Variants in C2orf92 observed in about 807,000 individuals in gnomAD.
C2orf92 encodes the protein chromosome 2 open reading frame 92.
At position 97,702,757 on chromosome 2, in the gene C2orf92, C is replaced by T. The variant is rs1676536398; in HGVS notation, c.754C>T (p.Leu252Phe). The change falls in exon 8 of 8, where the codon CTT (leucine) becomes TTT (phenylalanine). Residue 252 changes from leucine to phenylalanine, a missense_variant. Transcript: ENST00000627399. ...HNSEEKNFTKLAKKQKQLKSS... is the reference protein window; with the variant it reads ...HNSEEKNFTKFAKKQKQLKSS... Reference sequence around the variant, plus strand: ...TTCTGAAGAAAAAAATTTCACAAAACTTGCAAAAAAACAGAAACAGTTGAA... The same window carrying T: ...TTCTGAAGAAAAAAATTTCACAAAATTTGCAAAAAAACAGAAACAGTTGAA... 1 of 398,950 alleles carries T rather than the reference C, an allele frequency of 2.5e-6. No homozygotes were observed. The highest frequency in any genetic ancestry group is 4.4e-6 in the Non-Finnish European group (1 of 226,042). 24.7% of individuals were successfully genotyped at this position (398,950 alleles called of 1,614,324 possible).
chr2:97,700,805 C>T (rs945727318), intron 6 of C2orf92, among the ~76,000 whole-genome samples: 3 of 151,880 alleles, frequency 2.0e-5, no homozygotes, highest in Non-Finnish European at 2.9e-5. Context: ...CTCACGCTCA[C>T]GGCAACCTCC....
intron 6 of C2orf92, 90 bp from the exon 7 acceptor site, chr2:97,701,064 A>G (rs1409461576): frequency 2.5e-6 from 1 of 395,478 alleles, no homozygotes; most frequent in Admixed American, 4.4e-5. Context: ...TTATGAATGG[A>G]ATGAACAGGT....
intron 6 of C2orf92, 143 bp downstream of exon 6, chr2:97,699,279 T>A (rs763729867): frequency 1.1e-4 from 45 of 391,634 alleles, no homozygotes; most frequent in Non-Finnish European, 1.8e-4. Flanking sequence ...GAATACAACC[T>A]GCAGTTAAAA....
At chr2:97,692,045 T>G (rs1676158424) in intron 5 of C2orf92, among the ~76,000 whole-genome samples, 1 of 152,234 alleles carries the variant, frequency 6.6e-6, no homozygotes, top group African/African-American at 2.4e-5. Context: ...TTGTCTAACT[T>G]CATCAAAAGG....
upstream of C2orf92, among the ~76,000 whole-genome samples, chr2:97,665,030 ACAATATC>A (rs1416524794): frequency 6.6e-6 from 1 of 152,192 alleles, no homozygotes; most frequent in Non-Finnish European, 1.5e-5. Context: ...AATCCTTGCA[ACAATATC>A]AGGTAGTTGT....
intron 7 of C2orf92, among the ~76,000 whole-genome samples, chr2:97,701,573 G>A (rs1676499011): frequency 6.6e-6 from 1 of 152,220 alleles, no homozygotes; most frequent in South Asian, 2.1e-4. Flanking sequence ...GGTTAGGCCA[G>A]ACCTGTCCCC....
intron 1 of C2orf92, among the ~76,000 whole-genome samples, chr2:97,673,177 T>C (rs1675471174): frequency 6.6e-6 from 1 of 152,200 alleles, no homozygotes. Flanking sequence ...TTACACAAGC[T>C]TCAAAACTCT....
chr2:97,690,376 T>C (rs1468106270), intron 5 of C2orf92, 49 bp downstream of exon 5: 2 of 397,194 alleles, frequency 5.0e-6, no homozygotes, highest in Non-Finnish European at 8.9e-6. Flanking sequence ...AAGTCATTGT[T>C]CTTTTTCCTC....
chr2:97,701,131 C>A, intron 6 of C2orf92, 23 bp from the exon 7 acceptor site: 1 of 398,840 alleles, frequency 2.5e-6, no homozygotes, highest in Non-Finnish European at 4.4e-6. Context: ...TCTGTTCACT[C>A]TGCGCTGTGT....
upstream of C2orf92, among the ~76,000 whole-genome samples, chr2:97,666,712 G>T (rs1379307360): frequency 6.6e-6 from 1 of 151,570 alleles, no homozygotes; most frequent in African/African-American, 2.4e-5. Flanking sequence ...GCATGATGTT[G>T]TGCGCCTGTA....
chr2:97,684,160 C>G (rs887977758), intron 3 of C2orf92, among the ~76,000 whole-genome samples: 1 of 151,990 alleles, frequency 6.6e-6, no homozygotes, highest in African/African-American at 2.4e-5. Context: ...CTCAGCCTCC[C>G]GAGTAGCTGG....
At chr2:97,683,712 T>C (rs1298649853) in intron 3 of C2orf92, among the ~76,000 whole-genome samples, 1 of 151,876 alleles carries the variant, frequency 6.6e-6, no homozygotes, top group Non-Finnish European at 1.5e-5. Flanking sequence ...AAGAAAACAA[T>C]TGGAGGAATT....
At chr2:97,702,605 C>T (rs946477077) in intron 7 of C2orf92, 64 bp from the exon 8 acceptor site, 2 of 398,380 alleles carry the variant, frequency 5.0e-6, no homozygotes, top group South Asian at 1.3e-4. Flanking sequence ...CACTGCCCAG[C>T]GAGTAGACAG....
In C2orf92 at chr2:97,690,323, T is replaced by A. The variant is rs1676087171; in HGVS notation, c.399T>A (p.Asp133Glu). ...TTGGCAGTGTGGACAAAATTCCTGA[T>A]AAAGGTAAATGCAAATGCATAAAAT... ...YFLGSVDKIP[D>E]KDHLSEEKNF... Residue 133 changes from aspartate to glutamate, a missense_variant, in exon 5 of 8, where the codon GAT becomes GAA. Physicochemically the swap from Asp to Glu is conservative, Grantham distance 45. Transcript: ENST00000627399. 1 of 398,780 alleles carries A rather than the reference T, an allele frequency of 2.5e-6. No individual in the cohort carries two copies. Among genetic ancestry groups the A allele is most frequent in the Admixed American group, 4.4e-5 (1 of 22,702 alleles). The allele number at this position is 398,780 out of a possible 1,614,324, so 24.7% of individuals were successfully genotyped here.
chr2:97,702,606 G>A (rs978167263), intron 7 of C2orf92, 63 bp from the exon 8 acceptor site: 6 of 398,394 alleles, frequency 1.5e-5, no homozygotes, highest in South Asian at 1.3e-4. Flanking sequence ...ACTGCCCAGC[G>A]AGTAGACAGC....
At chr2:97,669,966 A>G (rs1675358124) in intron 1 of C2orf92, 132 bp downstream of exon 1, 1 of 392,996 alleles carries the variant, frequency 2.5e-6, no homozygotes, top group South Asian at 1.4e-4. Context: ...ACCTCCCCAA[A>G]TCTGCCATTC....
At chr2:97,697,043 C>T (rs1029613935) in intron 5 of C2orf92, among the ~76,000 whole-genome samples, 3 of 152,212 alleles carry the variant, frequency 2.0e-5, no homozygotes, top group Admixed American at 6.5e-5. Flanking sequence ...TGGTTCTGCA[C>T]TCCTTTAAGA....
upstream of C2orf92, chr2:97,663,946 CG>C: frequency 5.2e-6 from 1 of 193,424 alleles, no homozygotes; most frequent in Non-Finnish European, 1.1e-5. Flanking sequence ...ACCGGATGGG[CG>C]GGCGGGCGGG....
upstream of C2orf92, chr2:97,665,692 A>ACTCTCTCT (rs67429887): frequency 4.7e-5 from 4 of 85,540 alleles, no homozygotes; most frequent in South Asian, 8.0e-4. Context: ...TCAAAGCATG[A>ACTCTCTCT]CTCTCTCTCT....
Sources: allele counts gnomAD v4.1 joint callset (sites outside exome capture counted in the v4.1 genomes callset), GRCh38; gene constraint gnomAD v4.1.1; transcripts MANE v1.5; gene names NCBI Gene and HGNC (gene_info 2026-07-23, HGNC 2026-07-21).